The following THSD4 variants were observed in gnomAD, a reference collection of about 807,000 sequenced individuals.
The protein encoded by THSD4 is thrombospondin type-1 domain-containing protein 4.
A neutral mutation model predicts 119.0 loss-of-function variants in THSD4; 69 were observed. That is an observed-to-expected ratio of 0.58 (90% CI 0.48 to 0.71). The LOEUF (loss-of-function observed/expected upper bound fraction) is 0.71, where lower values mean the gene tolerates loss of function less well. THSD4 is among the 30% of genes least tolerant of loss of function. THSD4 has a pLI of 0.00. For synonymous variants in THSD4, 524 were observed against 540.4 expected (o/e 0.97, Z 0.42); for missense variants, 1,393 against 1,391.1 (o/e 1.00, Z -0.02).
intron 8 of THSD4, among the ~76,000 whole-genome samples, chr15:71,715,513 C>T (rs905357980): frequency 6.6e-5 from 10 of 151,916 alleles, no homozygotes; most frequent in Admixed American, 2.0e-4. Flanking sequence ...GTGCTTAGAA[C>T]AGAAATGGAA....
intron 15 of THSD4, among the ~76,000 whole-genome samples, chr15:71,764,144 G>A (rs1047926340): frequency 6.6e-6 from 1 of 152,104 alleles, no homozygotes; most frequent in Non-Finnish European, 1.5e-5. Context: ...TACTCTGGAG[G>A]CTGAGGTGAG....
At chr15:71,256,169 G>T (rs1195331451) in intron 5 of THSD4, among the ~76,000 whole-genome samples, 1 of 152,124 alleles carries the variant, frequency 6.6e-6, no homozygotes. Flanking sequence ...GGTAGAAGAG[G>T]GCTGGTATTT....
intron 7 of THSD4, among the ~76,000 whole-genome samples, chr15:71,550,136 C>T (rs562873745): frequency 2.6e-5 from 4 of 152,310 alleles, no homozygotes; most frequent in East Asian, 1.9e-4. Context: ...ACAGATGGGG[C>T]GTATCCCCGA....
chr15:71,745,921 G>A lies in THSD4; in HGVS notation c.2036+686G>A, dbSNP rs993735353. ...CAGCCTCCCAAAGTGCTGGGATTAC[G>A]GGCGTGAGCCACTGCGCCTGGCCTT... is the stretch of plus-strand genomic sequence containing the variant. On this transcript the variant is annotated intron_variant, in intron 12 of 17. Coordinates refer to ENST00000261862, the MANE Select transcript of THSD4 (RefSeq NM_024817.3). Among the ~76,000 whole-genome samples the A allele has an allele frequency of 1.1e-4, 17 of 152,020 alleles. No homozygotes were observed. The East Asian group carries it at 1.4e-3, about 12-fold the overall frequency.
chr15:71,706,697 A>C (rs1225779489), intron 8 of THSD4, among the ~76,000 whole-genome samples: 1 of 152,188 alleles, frequency 6.6e-6, no homozygotes, highest in East Asian at 1.9e-4. Context: ...GAAGCAGTCT[A>C]CATTCTAGCA....
chr15:71,355,393 T>C (rs996613172), intron 6 of THSD4, among the ~76,000 whole-genome samples: 5 of 151,952 alleles, frequency 3.3e-5, no homozygotes, highest in Non-Finnish European at 7.4e-5. Context: ...GTGTGTGTCA[T>C]GTGTGTGTGC....
chr15:71,608,981 A>G (rs1370033783), intron 7 of THSD4, among the ~76,000 whole-genome samples: 1 of 152,210 alleles, frequency 6.6e-6, no homozygotes, highest in Admixed American at 6.5e-5. Flanking sequence ...TGGGCAGGTG[A>G]TGAGCCCCAC....
rs1414600968 is a variant in THSD4, at chr15:71,698,645, A to AT, written c.1358-29903dup. The stretch of plus-strand genomic sequence containing the variant: ...GTGAAATATATACATGCATGTATAT[A>AT]TACATGAAATATATACATGCATGTA... On this transcript the variant is annotated intron_variant, in intron 8 of 17. Coordinates refer to ENST00000261862, the MANE Select transcript of THSD4 (RefSeq NM_024817.3). Among the ~76,000 whole-genome samples, 367 of 136,314 alleles carry AT rather than the reference A, an allele frequency of 2.7e-3. 2 individuals are homozygous for AT. Among genetic ancestry groups the AT allele is most frequent in the African/African-American group, 9.8e-3 (334 of 34,222 alleles). The allele number at this position is 136,314 out of a possible 152,430, so 89.4% of individuals were successfully genotyped here. A position where few individuals can be genotyped will look rare whatever the true frequency, so the allele number is the denominator to read the frequency against.
intron 6 of THSD4, among the ~76,000 whole-genome samples, chr15:71,344,626 A>G (rs928081915): frequency 1.3e-5 from 2 of 152,160 alleles, no homozygotes; most frequent in African/African-American, 4.8e-5. Context: ...TCTTTGTTTC[A>G]TGCCAAACAT....
intron 6 of THSD4, among the ~76,000 whole-genome samples, chr15:71,361,100 A>T (rs2045887091): frequency 6.6e-6 from 1 of 152,204 alleles, no homozygotes; most frequent in African/African-American, 2.4e-5. Flanking sequence ...AGGGTGGCAC[A>T]TGCTGTCTGG....
intron 8 of THSD4, among the ~76,000 whole-genome samples, chr15:71,719,725 G>GAA (rs1285160159): frequency 6.6e-6 from 1 of 152,174 alleles, no homozygotes; most frequent in Non-Finnish European, 1.5e-5. Flanking sequence ...TCCCGGGCTG[G>GAA]AGTACGGTGG....
At chr15:71,114,147 G>A (rs1468975435), upstream of THSD4, among the ~76,000 whole-genome samples, 1 of 152,090 alleles carries the variant, frequency 6.6e-6, no homozygotes, top group Non-Finnish European at 1.5e-5. Flanking sequence ...CCAGGCTCCG[G>A]GCCAGTAGTC....
At chr15:71,542,960 G>A (rs376714464) in intron 7 of THSD4, among the ~76,000 whole-genome samples, 10 of 152,004 alleles carry the variant, frequency 6.6e-5, no homozygotes, top group African/African-American at 2.4e-4. Context: ...GAGCATCAAG[G>A]TCATGAAAAA....
At chr15:71,421,725 G>A (rs946344805) in intron 7 of THSD4, among the ~76,000 whole-genome samples, 2 of 152,180 alleles carry the variant, frequency 1.3e-5, no homozygotes, top group Middle Eastern at 3.2e-3. Flanking sequence ...GGTTTGGGGA[G>A]TTCTCTGTTA....
At chr15:71,217,789 C>CT (rs11413853) in intron 4 of THSD4, among the ~76,000 whole-genome samples, 59,962 of 137,624 alleles carry the variant, frequency 0.44, 13,321 homozygotes, top group South Asian at 0.52. Context: ...AGGCACTGTT[C>CT]TTTTTTTTTT....
At chr15:71,691,677 AATG>A (rs1163445147) in intron 8 of THSD4, among the ~76,000 whole-genome samples, 3 of 152,248 alleles carry the variant, frequency 2.0e-5, no homozygotes, top group African/African-American at 7.2e-5. Flanking sequence ...CTCTTTTAGT[AATG>A]ATGAGTTGAA....
chr15:71,275,278 T>G (rs1244951285), intron 6 of THSD4, among the ~76,000 whole-genome samples: 1 of 152,180 alleles, frequency 6.6e-6, no homozygotes, highest in Non-Finnish European at 1.5e-5. Context: ...CTGATTCATT[T>G]CCTTTAAAAA....
At chr15:71,484,347 G>A (rs1476212029) in intron 7 of THSD4, among the ~76,000 whole-genome samples, 1 of 152,188 alleles carries the variant, frequency 6.6e-6, no homozygotes, top group Non-Finnish European at 1.5e-5. Flanking sequence ...AAGATCTGAA[G>A]AAGAAACTGG....
intron 6 of THSD4, among the ~76,000 whole-genome samples, chr15:71,385,285 G>T (rs2046281426): frequency 6.6e-6 from 1 of 152,194 alleles, no homozygotes; most frequent in Admixed American, 6.5e-5. Flanking sequence ...AGAGCAGTGA[G>T]CACTTTGGGC....
Sources: allele counts gnomAD v4.1 joint callset (sites outside exome capture counted in the v4.1 genomes callset), GRCh38; gene constraint gnomAD v4.1.1; transcripts MANE v1.5; gene names NCBI Gene and HGNC (gene_info 2026-07-23, HGNC 2026-07-21).